FAT3: variants seen among roughly 807,000 people sequenced by gnomAD.
The protein encoded by FAT3 is FAT atypical cadherin 3, also known as protocadherin Fat 3.
FAT3 carries 95 observed loss-of-function variants against 310.2 expected under a neutral mutation model. The observed-to-expected ratio is 0.31, with a 90% CI of 0.26 to 0.36. FAT3 has a LOEUF of 0.36. FAT3 is among the 10% of genes least tolerant of loss of function. The pLI, the probability that FAT3 is intolerant of heterozygous loss-of-function variation, is 1.00. For missense variants in FAT3, 5,408 were observed against 5,715.6 expected (o/e 0.95, Z 1.74); for synonymous variants, 2,314 against 2,192.9 (o/e 1.06, Z -1.54).
chr11:92,572,965 C>A (rs910499280), intron 3 of FAT3, among the ~76,000 whole-genome samples: 5 of 152,072 alleles, frequency 3.3e-5, no homozygotes, highest in Non-Finnish European at 7.3e-5. Flanking sequence ...TTGAGAAATG[C>A]CATGGCTTGA....
chr11:92,774,833 A>G (rs1946557882), intron 7 of FAT3, among the ~76,000 whole-genome samples: 1 of 152,144 alleles, frequency 6.6e-6, no homozygotes, highest in Non-Finnish European at 1.5e-5. Context: ...CGCTCCTTAT[A>G]CTTTGCAACC....
At chr11:92,576,028 A>T (rs1938467235) in intron 3 of FAT3, among the ~76,000 whole-genome samples, 1 of 152,196 alleles carries the variant, frequency 6.6e-6, no homozygotes, top group Non-Finnish European at 1.5e-5. Flanking sequence ...TTGGGAGTTT[A>T]AAAATGTGTG....
intron 2 of FAT3, among the ~76,000 whole-genome samples, chr11:92,375,274 C>A (rs1330270920): frequency 6.6e-6 from 1 of 151,998 alleles, no homozygotes; most frequent in Non-Finnish European, 1.5e-5. Context: ...GCTGGGACTA[C>A]AGATGCATGC....
At chr11:92,281,718 T>C (rs1242135348) in intron 1 of FAT3, among the ~76,000 whole-genome samples, 3 of 152,188 alleles carry the variant, frequency 2.0e-5, no homozygotes, top group Admixed American at 6.6e-5. Flanking sequence ...TCTCTGGATT[T>C]AGTCAGCCAC....
intron 2 of FAT3, among the ~76,000 whole-genome samples, chr11:92,404,423 T>A (rs1415712281): frequency 6.6e-6 from 1 of 151,826 alleles, no homozygotes; most frequent in Non-Finnish European, 1.5e-5. Context: ...CCAAGTAAAC[T>A]ACCCTGGATA....
chr11:92,526,797 A>G (rs1953882101), intron 3 of FAT3, among the ~76,000 whole-genome samples: 1 of 152,212 alleles, frequency 6.6e-6, no homozygotes, highest in South Asian at 2.1e-4. Flanking sequence ...ATTTTTAAAA[A>G]GCATTTTTGC....
At position 92,649,728 on chromosome 11, in the gene FAT3, G is replaced by A. The variant is rs1269011526; in HGVS notation, c.3608-47656G>A. Among the ~76,000 whole-genome samples the A allele has an allele frequency of 2.6e-5, 4 of 152,108 alleles. No homozygotes were observed. The East Asian group carries it at 7.8e-4, about 29-fold the overall frequency. Reference sequence around the variant, plus strand: ...CTTCCATCCTAATTTAAAGCCAGATGGGTCTGCCTTAGGTACGTTCTTATG... The same window carrying A: ...CTTCCATCCTAATTTAAAGCCAGATAGGTCTGCCTTAGGTACGTTCTTATG... On this transcript the variant is annotated intron_variant, in intron 3 of 27. Coordinates refer to ENST00000525166, the MANE Select transcript of FAT3 (RefSeq NM_001367949.2).
chr11:92,507,728 T>G (rs949013018), intron 2 of FAT3, among the ~76,000 whole-genome samples: 6 of 152,016 alleles, frequency 3.9e-5, no homozygotes, highest in East Asian at 1.9e-4. Flanking sequence ...CATGTATATG[T>G]ACATATATAG....
intron 2 of FAT3, among the ~76,000 whole-genome samples, chr11:92,507,675 T>C (rs1033554992): frequency 5.0e-5 from 7 of 139,564 alleles, no homozygotes; most frequent in African/African-American, 2.3e-4. Context: ...TATGTACACA[T>C]ATGCACACAT....
At position 92,352,784 on chromosome 11, in the gene FAT3, G is replaced by T. The variant is rs765974517; in HGVS notation, c.672G>T (p.Lys224Asn). Residue 224 changes from lysine to asparagine, a missense_variant, in exon 2 of 28, where the codon AAG becomes AAT. Lys to Asn is a moderately conservative substitution (Grantham distance 94). Coordinates refer to ENST00000525166, the MANE Select transcript of FAT3 (RefSeq NM_001367949.2). ...SLSGRLNYDE[K>N]NRYDLEILAV... ...GTGGTCGATTAAATTATGATGAAAA[G>T]AATAGGTATGATCTGGAAATTTTGG... The T allele has an allele frequency of 1.9e-6, 3 of 1,613,868 alleles. No individual in the cohort carries two copies. The highest frequency in any genetic ancestry group is 2.5e-6 in the Non-Finnish European group (3 of 1,179,882).
chr11:92,756,058 A>G (rs1945982186), intron 4 of FAT3, among the ~76,000 whole-genome samples: 1 of 152,260 alleles, frequency 6.6e-6, no homozygotes, highest in Non-Finnish European at 1.5e-5. Context: ...TTCTAGTAAA[A>G]GCAGATATGT....
chr11:92,851,164 T>C (rs1490490291), intron 19 of FAT3, among the ~76,000 whole-genome samples: 1 of 152,176 alleles, frequency 6.6e-6, no homozygotes, highest in Non-Finnish European at 1.5e-5. Context: ...ACACAGAATT[T>C]CATATTTCGT....
At chr11:92,672,809 C>G (rs937798225) in intron 3 of FAT3, among the ~76,000 whole-genome samples, 2 of 152,120 alleles carry the variant, frequency 1.3e-5, no homozygotes, top group African/African-American at 4.8e-5. Flanking sequence ...AGTAGATTTT[C>G]TTTTGTTTTG....
chr11:92,880,849 C>A lies in FAT3; in HGVS notation c.12246C>A (p.Phe4082Leu). 1 of 1,613,962 alleles carries A rather than the reference C, an allele frequency of 6.2e-7. No homozygotes were observed. Among genetic ancestry groups the A allele is most frequent in the Non-Finnish European group, 8.5e-7 (1 of 1,179,864 alleles). Reference sequence around the variant, plus strand: ...CCTGCGATCCAATAGGAAACACTTTCATCTGCAATTGTAAAGCTGGGCTCA... The same window carrying A: ...CCTGCGATCCAATAGGAAACACTTTAATCTGCAATTGTAAAGCTGGGCTCA... The part of the protein sequence containing the change: ...GGSCDPIGNT[F>L]ICNCKAGLTG... The change falls in exon 23 of 28, where the codon TTC becomes TTA. Residue 4082 changes from phenylalanine (F) to leucine (L), a missense_variant. Transcript: ENST00000525166.
chr11:92,583,693 G>T (rs536487409), intron 3 of FAT3, among the ~76,000 whole-genome samples: 2 of 151,982 alleles, frequency 1.3e-5, no homozygotes, highest in African/African-American at 4.8e-5. Context: ...CCCTTCAACC[G>T]CAGGACACAC....
In FAT3 at chr11:92,799,784, A is replaced by G; in HGVS notation, c.6771A>G (p.Thr2257=). 3 of 1,612,902 alleles carry G rather than the reference A, an allele frequency of 1.9e-6. No individual in the cohort carries two copies. Among genetic ancestry groups the G allele is most frequent in the Non-Finnish European group, 2.5e-6 (3 of 1,179,424 alleles). ...AAGTTACATCTGCTTACAAGCTGAC[A>G]ATAAGAGCCAGCGACGCCCTTACTG... ...DYEVTSAYKL[T]IRASDALTGA... Residue 2257 remains threonine (T), a synonymous_variant, in exon 10 of 28, where the codon ACA becomes ACG. Coordinates refer to ENST00000525166, the MANE Select transcript of FAT3 (RefSeq NM_001367949.2).
intron 10 of FAT3, among the ~76,000 whole-genome samples, chr11:92,803,382 C>T (rs547890891): frequency 1.1e-4 from 17 of 152,278 alleles, no homozygotes; most frequent in Admixed American, 9.1e-4. Flanking sequence ...GGCTGTGCTG[C>T]CTCCAATTAA....
intron 1 of FAT3, among the ~76,000 whole-genome samples, chr11:92,230,273 T>C (rs561341079): frequency 6.6e-6 from 1 of 152,304 alleles, no homozygotes; most frequent in East Asian, 1.9e-4. Flanking sequence ...TGCTTTCTCC[T>C]CTATTTTCCC....
intron 1 of FAT3, among the ~76,000 whole-genome samples, chr11:92,275,783 T>A (rs538163538): frequency 2.4e-4 from 36 of 152,282 alleles, no homozygotes; most frequent in African/African-American, 8.7e-4. Context: ...GATTCTTAAA[T>A]GCAAGACTTA....
Sources: gnomAD v4.1 joint callset for allele counts (sites outside exome capture counted in the v4.1 genomes callset) on GRCh38, gnomAD v4.1.1 for gene constraint, MANE v1.5 for transcripts, NCBI Gene and HGNC (gene_info 2026-07-23, HGNC 2026-07-21) for gene names.